The following MAPKAP1 variants were observed in gnomAD, a reference collection of about 807,000 sequenced individuals.
MAPKAP1 encodes the protein MAPK associated protein 1.
Under a neutral mutation model 65.7 loss-of-function variants are expected in MAPKAP1, and 20 were observed. That is an observed-to-expected ratio of 0.30 (90% CI 0.21 to 0.44). The LOEUF (loss-of-function observed/expected upper bound fraction) is 0.44, where lower values mean the gene tolerates loss of function less well. MAPKAP1 is among the 20% of genes least tolerant of loss of function. The pLI is 1.00. For missense variants in MAPKAP1, 423 were observed against 648.0 expected (o/e 0.65, Z 3.77); for synonymous variants, 222 against 244.3 (o/e 0.91, Z 0.85).
intron 8 of MAPKAP1, among the ~76,000 whole-genome samples, chr9:125,485,258 C>T (rs1564527426): frequency 6.6e-6 from 1 of 152,196 alleles, no homozygotes; most frequent in Non-Finnish European, 1.5e-5. Context: ...CATCACTGGC[C>T]TCCTGGTCAC....
At chr9:125,533,081 G>A (rs975194085) in intron 7 of MAPKAP1, among the ~76,000 whole-genome samples, 3 of 152,150 alleles carry the variant, frequency 2.0e-5, no homozygotes, top group Admixed American at 1.3e-4. Flanking sequence ...CTACATGATG[G>A]GGTGTGTGTG....
At chr9:125,621,139 G>GC (rs1224255680) in intron 4 of MAPKAP1, among the ~76,000 whole-genome samples, 1 of 151,998 alleles carries the variant, frequency 6.6e-6, no homozygotes, top group East Asian at 1.9e-4. Flanking sequence ...AGGTGTGGTG[G>GC]CATGTGCCTG....
rs961861073 is a variant in MAPKAP1, at chr9:125,618,296, T to G, written c.499-32569A>C. Among the ~76,000 whole-genome samples the G allele has an allele frequency of 2.5e-4, 32 of 128,482 alleles. 1 individual carries two copies. In the Admixed American group the frequency reaches 2.9e-3, roughly 12 times the overall value. The allele number at this position is 128,482 out of a possible 152,430, so 84.3% of individuals were successfully genotyped here. ...GGGTGAGGTTGCAGTGAGCTGAGATTGCGCCACTGCACTCCAGCCTGGGTG... is the reference window on the plus strand; with the variant it reads ...GGGTGAGGTTGCAGTGAGCTGAGATGGCGCCACTGCACTCCAGCCTGGGTG... On this transcript the variant is annotated intron_variant, in intron 4 of 11. Coordinates refer to ENST00000265960, the MANE Select transcript of MAPKAP1 (RefSeq NM_001006617.3).
intron 5 of MAPKAP1, among the ~76,000 whole-genome samples, chr9:125,578,696 C>A (rs1383077322): frequency 6.6e-6 from 1 of 152,058 alleles, no homozygotes; most frequent in Non-Finnish European, 1.5e-5. Context: ...AATAAAGACA[C>A]AAAACACATG....
At chr9:125,467,931 GGAAAGA>G in intron 10 of MAPKAP1, 35 bp downstream of exon 10, 1 of 1,605,446 alleles carries the variant, frequency 6.2e-7, no homozygotes, top group Non-Finnish European at 8.5e-7. Context: ...AGAAGAGAGG[GGAAAGA>G]GAGAAAGGAG....
chr9:125,570,275 G>A (rs1831188561), intron 5 of MAPKAP1, among the ~76,000 whole-genome samples: 1 of 152,210 alleles, frequency 6.6e-6, no homozygotes, highest in Non-Finnish European at 1.5e-5. Context: ...CAAATGGTAT[G>A]GGTAAGTCAT....
rs994911255 is a variant in MAPKAP1 at position 125,447,491 on chromosome 9, G to C, written c.1346-2893C>G. ...GCAAGGAGTGATGAGCGGAACCCTG[G>C]GGGGCAAGGGCAGGTTAAGATCAGC... On this transcript the variant is annotated intron_variant, in intron 10 of 11. Coordinates refer to ENST00000265960, the MANE Select transcript of MAPKAP1 (RefSeq NM_001006617.3). This position sits in a 1 kb window ranked among gnomAD's most constrained non-coding sequence, Gnocchi z 4.5. The C allele has an allele frequency of 6.6e-6, 3 of 456,454 alleles. No homozygotes were observed. The highest frequency in any genetic ancestry group is 6.0e-5 in the African/African-American group (3 of 50,054). The allele number at this position is 456,454 out of a possible 1,614,324, so 28.3% of individuals were successfully genotyped here. A position where few individuals can be genotyped will look rare whatever the true frequency, so the allele number is the denominator to read the frequency against.
intron 5 of MAPKAP1, among the ~76,000 whole-genome samples, chr9:125,568,466 T>C (rs1831129090): frequency 6.6e-6 from 1 of 152,184 alleles, no homozygotes. Context: ...AGTGGGTCTT[T>C]TACCTGACCT....
intron 7 of MAPKAP1, among the ~76,000 whole-genome samples, chr9:125,513,744 T>A (rs1201858235): frequency 6.6e-6 from 1 of 152,000 alleles, no homozygotes; most frequent in Non-Finnish European, 1.5e-5. Context: ...AGCCTATGAG[T>A]CACAACAGGC....
rs1852743300 is a variant in MAPKAP1 at position 125,447,042 on chromosome 9, G to A, written c.1346-2444C>T. 6.6e-6 allele frequency among the ~76,000 whole-genome samples: 1 copy of A among 152,072 alleles called. No individual in the cohort carries two copies. Among genetic ancestry groups the A allele is most frequent in the South Asian group, 2.1e-4 (1 of 4,822 alleles). On this transcript the variant is annotated intron_variant, in intron 10 of 11. Coordinates refer to ENST00000265960, the MANE Select transcript of MAPKAP1 (RefSeq NM_001006617.3). The surrounding 1 kb of genome is among the most constrained non-coding windows in gnomAD (Gnocchi z 4.5). The stretch of plus-strand genomic sequence containing the variant: ...GTGGGCTGACAGAGGGGAGGCCTGT[G>A]GTTCATCTGCACAGTCACGTGAAAA...
chr9:125,452,043 T>C (rs1305179869), intron 10 of MAPKAP1, among the ~76,000 whole-genome samples: 1 of 151,208 alleles, frequency 6.6e-6, no homozygotes, highest in Non-Finnish European at 1.5e-5. Context: ...CTCCTGACCT[T>C]GGGTGATCTG....
chr9:125,677,299 G>A (rs1007216554), intron 1 of MAPKAP1, among the ~76,000 whole-genome samples: 2 of 152,072 alleles, frequency 1.3e-5, no homozygotes, highest in South Asian at 4.1e-4. Flanking sequence ...TTAGCTGGGC[G>A]AGGAGGCTAA....
chr9:125,521,849 A>C (rs1376399974), intron 7 of MAPKAP1: 2 of 1,298,628 alleles, frequency 1.5e-6, no homozygotes, highest in Non-Finnish European at 1.1e-6. Context: ...GGTGACTCCA[A>C]CCTGAGTCAG....
rs527944850 is a variant in MAPKAP1, at chr9:125,497,416, C to A, written c.1066+8894G>T. Among the ~76,000 whole-genome samples, 10 of 152,342 alleles carry A rather than the reference C, an allele frequency of 6.6e-5. No individual in the cohort carries two copies. In the East Asian group the frequency reaches 1.9e-3, roughly 29 times the overall value. ...GGAAATACAATAATTAGATTCAGCT[C>A]TTTCACCAGACTTAATGAATAAAAG... On this transcript the variant is annotated intron_variant, in intron 8 of 11. Transcript: ENST00000265960.
At chr9:125,459,945 C>T (rs972448048) in intron 10 of MAPKAP1, among the ~76,000 whole-genome samples, 1 of 152,064 alleles carries the variant, frequency 6.6e-6, no homozygotes, top group African/African-American at 2.4e-5. Context: ...TTTTCCATGT[C>T]TAAGAGAGTA....
rs888717625 is a variant in MAPKAP1 at position 125,438,795 on chromosome 9, C to T, written c.*92G>A. On this transcript the variant is annotated 3_prime_UTR_variant, in exon 12 of 12. Coordinates refer to ENST00000265960, the MANE Select transcript of MAPKAP1 (RefSeq NM_001006617.3). ...AGTGAGCCAGGGGCTGGCCTCCCCC[C>T]GAGGACTTCAGGACACCGGGTGGAC... 1.7e-5 allele frequency: 27 copies of T among 1,548,552 alleles called. No homozygotes were observed. The highest frequency in any genetic ancestry group is 1.4e-4 in the African/African-American group (10 of 73,472).
At chr9:125,573,019 C>CTA (rs1387194239) in intron 5 of MAPKAP1, 6 of 148,384 alleles carry the variant, frequency 4.0e-5, no homozygotes, top group African/African-American at 1.5e-4. Context: ...ATCATAATCG[C>CTA]TATTCAGCCT....
chr9:125,450,889 C>T (rs769225080), intron 10 of MAPKAP1, among the ~76,000 whole-genome samples: 3 of 152,212 alleles, frequency 2.0e-5, no homozygotes, highest in African/African-American at 4.8e-5. Context: ...GTCTCCTCTC[C>T]ACCGTAAGCA....
At chr9:125,627,234 A>T (rs1833142928) in intron 4 of MAPKAP1, among the ~76,000 whole-genome samples, 1 of 152,202 alleles carries the variant, frequency 6.6e-6, no homozygotes, top group South Asian at 2.1e-4. Flanking sequence ...CCTTCTGATA[A>T]CTTAAAAAAT....
Sources: gnomAD v4.1 joint callset for allele counts (sites outside exome capture counted in the v4.1 genomes callset) on GRCh38, gnomAD v4.1.1 for gene constraint, Gnocchi (gnomAD v3.1) non-coding constraint, MANE v1.5 for transcripts, NCBI Gene and HGNC (gene_info 2026-07-23, HGNC 2026-07-21) for gene names.